Variants in CLIP1 observed in about 807,000 individuals in gnomAD.
CLIP1 encodes CAP-Gly domain containing linker protein 1, also known as CAP-Gly domain-containing linker protein 1.
A neutral mutation model predicts 161.6 loss-of-function variants in CLIP1; 66 were observed. That is an observed-to-expected ratio of 0.41 (90% CI 0.33 to 0.50). The LOEUF (loss-of-function observed/expected upper bound fraction) is 0.50. CLIP1 is among the 20% of genes least tolerant of loss of function. The probability of loss-of-function intolerance (pLI) is 0.27; values close to 1 mark genes in which losing one functional copy is unlikely to be tolerated. For synonymous variants in CLIP1, 598 were observed against 626.2 expected, an observed-to-expected ratio of 0.96 and a Z score of 0.67; for missense variants, 1,376 against 1,702.0, an observed-to-expected ratio of 0.81 and a Z score of 3.37.
At chr12:122,410,895 G>A (rs1045054071) in intron 1 of CLIP1, among the ~76,000 whole-genome samples, 1 of 152,046 alleles carries the variant, frequency 6.6e-6, no homozygotes, top group Admixed American at 6.6e-5. Context: ...TCAAAATCAC[G>A]ATGAGATACC....
intron 5 of CLIP1, among the ~76,000 whole-genome samples, chr12:122,360,133 C>G (rs1029143864): frequency 6.6e-6 from 1 of 152,156 alleles, no homozygotes; most frequent in Admixed American, 6.5e-5. Context: ...CTTCCAGCTC[C>G]AAGAGTTCCC....
intron 21 of CLIP1, among the ~76,000 whole-genome samples, chr12:122,287,639 T>C (rs374428214): frequency 1.4e-4 from 21 of 152,192 alleles, no homozygotes; most frequent in African/African-American, 4.6e-4. Context: ...TATCAGCTTA[T>C]AGAAGCATGA....
At chr12:122,346,983 A>G (rs974883862) in intron 10 of CLIP1, among the ~76,000 whole-genome samples, 5 of 152,352 alleles carry the variant, frequency 3.3e-5, no homozygotes, top group Admixed American at 2.0e-4. Flanking sequence ...TAAAACAACA[A>G]TAACAAAAAA....
In CLIP1 at chr12:122,322,077, C is replaced by G. The variant is rs1051848627; in HGVS notation, c.3250-2729G>C. ...TGAGTTAGTGCACAGTGTTAGTAAGCAGTCTGGGTGCTCAATACTTGACCC... is the reference window on the plus strand; with the variant it reads ...TGAGTTAGTGCACAGTGTTAGTAAGGAGTCTGGGTGCTCAATACTTGACCC... On this transcript the variant is annotated intron_variant, in intron 17 of 25. Coordinates refer to ENST00000620786, the MANE Select transcript of CLIP1 (RefSeq NM_001247997.2). 5 of 152,710 alleles carry G rather than the reference C, an allele frequency of 3.3e-5. No homozygotes were observed. In the East Asian group the frequency reaches 9.6e-4, roughly 29 times the overall value. The allele number at this position is 152,710 out of a possible 1,614,324, so 9.5% of individuals were successfully genotyped here. A position where few individuals can be genotyped will look rare whatever the true frequency, so the allele number is the denominator to read the frequency against.
At chr12:122,344,688 T>A (rs1259854299) in intron 10 of CLIP1, among the ~76,000 whole-genome samples, 1 of 152,262 alleles carries the variant, frequency 6.6e-6, no homozygotes, top group Non-Finnish European at 1.5e-5. Flanking sequence ...ATGTGGTATG[T>A]CTGCTTCTCC....
chr12:122,408,337 ATTTC>A (rs761391219), intron 1 of CLIP1, among the ~76,000 whole-genome samples: 10 of 151,868 alleles, frequency 6.6e-5, no homozygotes, highest in Non-Finnish European at 1.2e-4. Context: ...TTTTTGAGAC[ATTTC>A]TTTATTTTTT....
intron 20 of CLIP1, 94 bp from the exon 21 acceptor site, chr12:122,288,635 G>C: frequency 9.5e-7 from 1 of 1,055,770 alleles, no homozygotes; most frequent in Non-Finnish European, 1.4e-6. Flanking sequence ...CTCCAGGACA[G>C]CTAAAGCCAT....
chr12:122,389,707 C>T (rs867821492), intron 1 of CLIP1, among the ~76,000 whole-genome samples: 23 of 131,158 alleles, frequency 1.8e-4, no homozygotes, highest in African/African-American at 6.3e-4. Flanking sequence ...TGCAGTGAGT[C>T]GAGATCGCAC....
intron 20 of CLIP1, among the ~76,000 whole-genome samples, chr12:122,293,792 T>G (rs555606815): frequency 1.3e-4 from 18 of 136,694 alleles, no homozygotes; most frequent in African/African-American, 2.5e-4. Flanking sequence ...AATTTGTTTT[T>G]TTTTTTGTTT....
chr12:122,295,648 G>A (rs886600870), intron 20 of CLIP1, among the ~76,000 whole-genome samples: 1 of 152,184 alleles, frequency 6.6e-6, no homozygotes, highest in African/African-American at 2.4e-5. Flanking sequence ...TGTTATTCAA[G>A]TCTTCTGTTT....
At chr12:122,395,621 T>C (rs1566223376) in intron 1 of CLIP1, 1 of 152,154 alleles carries the variant, frequency 6.6e-6, no homozygotes, top group Non-Finnish European at 1.5e-5. Context: ...ATTAGCAGCA[T>C]CTAATCTCAG....
At chr12:122,339,847 T>A (rs570836511) in intron 11 of CLIP1, among the ~76,000 whole-genome samples, 9 of 152,322 alleles carry the variant, frequency 5.9e-5, no homozygotes, top group African/African-American at 2.2e-4. Context: ...AGCCTATTGT[T>A]CCTATACTAT....
intron 1 of CLIP1, among the ~76,000 whole-genome samples, chr12:122,384,125 A>T (rs1223288341): frequency 6.6e-6 from 1 of 152,238 alleles, no homozygotes; most frequent in Non-Finnish European, 1.5e-5. Context: ...AGAAATTAAC[A>T]GATGTGTTTC....
At chr12:122,292,884 T>C (rs1950302450) in intron 20 of CLIP1, among the ~76,000 whole-genome samples, 1 of 150,780 alleles carries the variant, frequency 6.6e-6, no homozygotes. Context: ...GCGCCTGTAG[T>C]CCCAGCTACT....
intron 1 of CLIP1, among the ~76,000 whole-genome samples, chr12:122,418,600 A>T (rs1013570820): frequency 9.2e-5 from 14 of 151,890 alleles, no homozygotes; most frequent in South Asian, 4.1e-4. Context: ...AGGAAAAAAA[A>T]TTTTTTTAAT....
intron 9 of CLIP1, among the ~76,000 whole-genome samples, chr12:122,350,521 T>C (rs937594166): frequency 6.6e-6 from 1 of 152,108 alleles, no homozygotes; most frequent in Non-Finnish European, 1.5e-5. Context: ...AACGCTTGCC[T>C]CTAGTTTTGC....
At chr12:122,370,765 A>G (rs1465428322) in intron 3 of CLIP1, among the ~76,000 whole-genome samples, 1 of 152,088 alleles carries the variant, frequency 6.6e-6, no homozygotes, top group Non-Finnish European at 1.5e-5. Flanking sequence ...CGCTTCTGAA[A>G]GGCATCTGAG....
intron 12 of CLIP1, among the ~76,000 whole-genome samples, chr12:122,335,262 C>G (rs1952164375): frequency 6.6e-6 from 1 of 152,112 alleles, no homozygotes; most frequent in South Asian, 2.1e-4. Flanking sequence ...GAACTTCGAG[C>G]TAGCTACATC....
chr12:122,362,617 G>T (rs1307442664), intron 4 of CLIP1, among the ~76,000 whole-genome samples: 2 of 109,536 alleles, frequency 1.8e-5, no homozygotes, highest in Non-Finnish European at 3.4e-5. Flanking sequence ...CTTCAGCCTG[G>T]CAACAGAGCA....
Sources: allele counts gnomAD v4.1 joint callset (sites outside exome capture counted in the v4.1 genomes callset), GRCh38; gene constraint gnomAD v4.1.1; transcripts MANE v1.5; gene names NCBI Gene and HGNC (gene_info 2026-07-23, HGNC 2026-07-21).